Variants in DEPDC7 observed in about 807,000 individuals in gnomAD.
DEPDC7 encodes DEP domain containing 7, also known as DEP domain-containing protein 7.
Under a neutral mutation model 56.6 loss-of-function variants are expected in DEPDC7, and 41 were observed. The observed-to-expected ratio is 0.72, with a 90% confidence interval of 0.56 to 0.94. The LOEUF (loss-of-function observed/expected upper bound fraction) is 0.94. Among genes scored for constraint, DEPDC7 ranks in the 40% least tolerant of loss-of-function variants. The pLI is 0.00. For synonymous variants in DEPDC7, 185 were observed against 208.8 expected, an observed-to-expected ratio of 0.89 and a Z score of 0.98; for missense variants, 522 against 596.3, an observed-to-expected ratio of 0.88 and a Z score of 1.30.
At chr11:33,026,852 T>C (rs563424017) in intron 2 of DEPDC7, 1 of 152,302 alleles carries the variant, frequency 6.6e-6, no homozygotes, top group South Asian at 2.1e-4. Context: ...AGTCTGAAAT[T>C]CCTGGGCTCA....
intron 2 of DEPDC7, 54 bp from the exon 3 acceptor site, chr11:33,027,631 TA>T: frequency 2.1e-6 from 3 of 1,426,636 alleles, no homozygotes; most frequent in Non-Finnish European, 2.8e-6. Flanking sequence ...TCTCAAATAC[TA>T]AAATATTTCT....
chr11:33,019,661 G>A (rs1224508607), intron 1 of DEPDC7, among the ~76,000 whole-genome samples: 1 of 151,952 alleles, frequency 6.6e-6, no homozygotes, highest in Non-Finnish European at 1.5e-5. Context: ...GTGAGACTCT[G>A]TCTCAAAAAA....
Position 33,028,782 on chromosome 11 carries a change from A to G in DEPDC7, c.772A>G (p.Ser258Gly). ...GGATCGAGGGATTCTCAAGGCTTATAGTGACTCTCAGTATGTGGAAATACA... is the reference window on the plus strand; with the variant it reads ...GGATCGAGGGATTCTCAAGGCTTATGGTGACTCTCAGTATGTGGAAATACA... ...YLDRGILKAY[S>G]DSQEDEWLSA... is the part of the protein sequence containing the mutation. Residue 258 changes from serine to glycine, a missense_variant, in exon 4 of 9, where the codon AGT (serine) becomes GGT (glycine). Ser to Gly is a moderately conservative substitution (Grantham distance 56). Coordinates refer to ENST00000241051, the MANE Select transcript of DEPDC7 (RefSeq NM_001077242.2). The G allele has an allele frequency of 6.2e-7, 1 of 1,606,002 alleles. No homozygotes were observed. Among genetic ancestry groups the G allele is most frequent in the Non-Finnish European group, 8.5e-7 (1 of 1,177,448 alleles).
chr11:33,021,384 C>G (rs757067226), intron 1 of DEPDC7, among the ~76,000 whole-genome samples: 1 of 152,108 alleles, frequency 6.6e-6, no homozygotes, highest in African/African-American at 2.4e-5. Context: ...ACCCTTAATT[C>G]TGATTGCAAG....
intron 4 of DEPDC7, among the ~76,000 whole-genome samples, chr11:33,030,339 A>T (rs1302653789): frequency 1.3e-5 from 2 of 152,182 alleles, no homozygotes; most frequent in Non-Finnish European, 2.9e-5. Context: ...ATAAAGTTGA[A>T]GCTGATGTCA....
intron 2 of DEPDC7, 70 bp from the exon 3 acceptor site, chr11:33,027,616 T>A (rs1853592197): frequency 7.3e-7 from 1 of 1,378,728 alleles, no homozygotes; most frequent in South Asian, 1.8e-5. Flanking sequence ...TAGAAAACTC[T>A]TAGCTCTCAA....
At chr11:33,023,921 TAAAG>T (rs754237612) in intron 1 of DEPDC7, among the ~76,000 whole-genome samples, 7 of 152,202 alleles carry the variant, frequency 4.6e-5, no homozygotes, top group Non-Finnish European at 1.0e-4. Context: ...TAGACGATCT[TAAAG>T]GAAGTAATAA....
chr11:33,017,788 GA>G (rs1853479736), intron 1 of DEPDC7, among the ~76,000 whole-genome samples: 3 of 152,274 alleles, frequency 2.0e-5, no homozygotes, highest in Admixed American at 2.0e-4. Context: ...GGGCTGTAAT[GA>G]CCAGGGACCT....
At chr11:33,020,405 C>G (rs1853511886) in intron 1 of DEPDC7, among the ~76,000 whole-genome samples, 1 of 152,114 alleles carries the variant, frequency 6.6e-6, no homozygotes, top group Admixed American at 6.5e-5. Context: ...AAGGATGAGA[C>G]TGCTTGAAAA....
intron 1 of DEPDC7, among the ~76,000 whole-genome samples, chr11:33,022,489 C>A (rs980931440): frequency 6.6e-6 from 1 of 152,132 alleles, no homozygotes; most frequent in Non-Finnish European, 1.5e-5. Context: ...TATTAATAAT[C>A]ATTTTGCAGA....
chr11:33,016,676 G>A, intron 1 of DEPDC7: 1 of 1,318,432 alleles, frequency 7.6e-7, no homozygotes, highest in South Asian at 1.2e-5. Context: ...GAGGGAAGTT[G>A]GCAAATTCTG....
intron 2 of DEPDC7, among the ~76,000 whole-genome samples, chr11:33,027,259 A>T (rs2133664039): frequency 6.6e-6 from 1 of 152,332 alleles, no homozygotes; most frequent in South Asian, 2.1e-4. Flanking sequence ...TTTTGTCATG[A>T]TATGAGCTCT....
chr11:33,031,465 G>A lies in DEPDC7; in HGVS notation c.870G>A (p.Glu290=), dbSNP rs1356422563. The A allele has an allele frequency of 2.5e-6, 4 of 1,614,156 alleles. No individual in the cohort carries two copies. The highest frequency in any genetic ancestry group is 3.4e-6 in the Non-Finnish European group (4 of 1,180,020). ...TGGAAATAAGCAGAAGCTTTCCTGA[G>A]CAACCAGACCGAACAGACTTAGTGA... is the stretch of plus-strand genomic sequence containing the variant. ...MVVEISRSFP[E]QPDRTDLVKE... is the part of the protein sequence containing the mutation. The change falls in exon 5 of 9, where the codon GAG becomes GAA. Residue 290 remains glutamate (E), a synonymous_variant. Coordinates refer to ENST00000241051, the MANE Select transcript of DEPDC7 (RefSeq NM_001077242.2).
chr11:33,020,861 TAAAG>T (rs1174933959), intron 1 of DEPDC7, among the ~76,000 whole-genome samples: 1 of 152,236 alleles, frequency 6.6e-6, no homozygotes, highest in Non-Finnish European at 1.5e-5. Flanking sequence ...TATCAGTAGA[TAAAG>T]AAACCTACTT....
At chr11:33,029,017 T>A (rs1025515511) in intron 4 of DEPDC7, among the ~76,000 whole-genome samples, 3 of 124,800 alleles carry the variant, frequency 2.4e-5, no homozygotes, top group African/African-American at 9.2e-5. Context: ...ACTTGCACAT[T>A]AAGTGAAAAA....
intron 1 of DEPDC7, among the ~76,000 whole-genome samples, chr11:33,021,460 TC>T (rs1423292113): frequency 6.6e-6 from 1 of 152,168 alleles, no homozygotes; most frequent in African/African-American, 2.4e-5. Flanking sequence ...CAGTAAGTCA[TC>T]TTACTGGGCC....
At chr11:33,018,054 T>C (rs1191052393) in intron 1 of DEPDC7, among the ~76,000 whole-genome samples, 2 of 152,236 alleles carry the variant, frequency 1.3e-5, no homozygotes, top group Non-Finnish European at 1.5e-5. Flanking sequence ...GTAGATATTG[T>C]AAATTTTTCT....
intron 1 of DEPDC7, among the ~76,000 whole-genome samples, chr11:33,019,251 C>A (rs1853498056): frequency 6.6e-6 from 1 of 152,142 alleles, no homozygotes; most frequent in South Asian, 2.1e-4. Flanking sequence ...AGTAGCATCC[C>A]TCTACCCACT....
At position 33,025,897 on chromosome 11, in the gene DEPDC7, C is replaced by T; in HGVS notation, c.312C>T (p.Asp104=). 3 of 1,614,144 alleles carry T rather than the reference C, an allele frequency of 1.9e-6. No individual in the cohort carries two copies. Among genetic ancestry groups the T allele is most frequent in the Non-Finnish European group, 2.5e-6 (3 of 1,180,032 alleles). ...TGAGAGTGTGTCAAGCGCTTATGGA[C>T]TACAAAGTATTTGAAGCAGTTCCAA... The part of the protein sequence containing the change: ...KVVRVCQALM[D]YKVFEAVPTK... Residue 104 remains aspartate, a synonymous_variant, in exon 2 of 9, where the codon GAC becomes GAT. Transcript: ENST00000241051.
Sources: gnomAD v4.1 joint callset for allele counts (sites outside exome capture counted in the v4.1 genomes callset) on GRCh38, gnomAD v4.1.1 for gene constraint, MANE v1.5 for transcripts, NCBI Gene and HGNC (gene_info 2026-07-23, HGNC 2026-07-21) for gene names.